The following GPC5 variants were observed in gnomAD, a reference collection of about 807,000 sequenced individuals.
GPC5 encodes glypican 5.
GPC5 carries 47 observed loss-of-function variants against 53.9 expected under a neutral mutation model. The ratio of observed to expected loss-of-function variants is 0.87; its 90% confidence interval spans 0.69 to 1.11. The LOEUF (loss-of-function observed/expected upper bound fraction) is 1.11. Ranked by LOEUF, GPC5 falls within the 50% of genes most tolerant of loss-of-function variation. GPC5 has a pLI of 0.00. For synonymous variants in GPC5, 286 were observed against 263.3 expected, an observed-to-expected ratio of 1.09 and a Z score of -0.84; for missense variants, 748 against 713.1, an observed-to-expected ratio of 1.05 and a Z score of -0.56.
At chr13:91,842,560 G>C (rs923571815) in intron 5 of GPC5, among the ~76,000 whole-genome samples, 2 of 150,060 alleles carry the variant, frequency 1.3e-5, no homozygotes, top group African/African-American at 4.9e-5. Flanking sequence ...AAATTAGCCG[G>C]GCGTGTTGGC....
intron 6 of GPC5, among the ~76,000 whole-genome samples, chr13:91,945,890 A>G (rs2039970123): frequency 6.6e-6 from 1 of 152,108 alleles, no homozygotes; most frequent in Non-Finnish European, 1.5e-5. Flanking sequence ...AGAAGTTATT[A>G]TTTTGTAGTT....
intron 7 of GPC5, among the ~76,000 whole-genome samples, chr13:92,616,509 T>A (rs959401330): frequency 2.0e-5 from 3 of 152,184 alleles, no homozygotes; most frequent in African/African-American, 7.2e-5. Context: ...TACAAAATAC[T>A]TCTGGTATCC....
intron 6 of GPC5, among the ~76,000 whole-genome samples, chr13:91,951,367 T>C (rs951722683): frequency 8.5e-5 from 13 of 152,154 alleles, no homozygotes; most frequent in African/African-American, 3.1e-4. Context: ...ATATATGTAT[T>C]ATGTATATAC....
At chr13:92,665,012 C>CAA (rs35215868) in intron 7 of GPC5, among the ~76,000 whole-genome samples, 3 of 151,512 alleles carry the variant, frequency 2.0e-5, no homozygotes, top group African/African-American at 7.3e-5. Flanking sequence ...TATTGTGTTA[C>CAA]AAAAAAAACA....
At chr13:92,143,027 T>G (rs759171754) in intron 6 of GPC5, among the ~76,000 whole-genome samples, 38 of 152,312 alleles carry the variant, frequency 2.5e-4, no homozygotes, top group Non-Finnish European at 4.9e-4. Context: ...AATGTATTAA[T>G]GTTTAATGTG....
intron 6 of GPC5, among the ~76,000 whole-genome samples, chr13:91,949,937 T>C (rs553440003): frequency 2.6e-4 from 40 of 152,162 alleles, no homozygotes; most frequent in African/African-American, 9.2e-4. Context: ...GCTTCACCCT[T>C]TGGAGAATTT....
intron 7 of GPC5, among the ~76,000 whole-genome samples, chr13:92,296,961 C>A (rs558390145): frequency 6.6e-6 from 1 of 152,290 alleles, no homozygotes; most frequent in East Asian, 1.9e-4. Flanking sequence ...CCTCCATGGG[C>A]TCCTGTGTGG....
At position 92,127,287 on chromosome 13, in the gene GPC5, A is replaced by G. The variant is rs572465942; in HGVS notation, c.1402-17543A>G. On this transcript the variant is annotated intron_variant, in intron 6 of 7. Coordinates refer to ENST00000377067, the MANE Select transcript of GPC5 (RefSeq NM_004466.6). ...CTCATATATATATGTGTATATATAT[A>G]TGTGTGTATATATGTATATATGTGT... Among the ~76,000 whole-genome samples the G allele has an allele frequency of 7.8e-3, 1,190 of 151,916 alleles. 7 individuals carry two copies. The highest frequency in any genetic ancestry group is 0.011 in the Non-Finnish European group (762 of 67,956).
chr13:91,448,982 T>C, intron 2 of GPC5, 60 bp downstream of exon 2: 7 of 1,533,676 alleles, frequency 4.6e-6, no homozygotes, highest in Non-Finnish European at 6.2e-6. Flanking sequence ...TTGCCTAAGA[T>C]AGTTACGTTG....
intron 2 of GPC5, among the ~76,000 whole-genome samples, chr13:91,692,730 G>A (rs7326771): frequency 0.041 from 6,227 of 152,154 alleles, 259 homozygotes; most frequent in African/African-American, 0.097. Flanking sequence ...TGCAACCTCC[G>A]CCTCCCAGGT....
chr13:92,709,967 A>C (rs1261515693), intron 7 of GPC5, among the ~76,000 whole-genome samples: 1 of 152,194 alleles, frequency 6.6e-6, no homozygotes, highest in African/African-American at 2.4e-5. Context: ...GAATTTGTTC[A>C]AAATGGATAT....
intron 7 of GPC5, among the ~76,000 whole-genome samples, chr13:92,655,587 G>A (rs973237260): frequency 2.6e-5 from 4 of 152,090 alleles, no homozygotes; most frequent in South Asian, 2.1e-4. Flanking sequence ...CACCCTCCCC[G>A]CCCTTGGCCT....
At chr13:92,845,330 T>C (rs775113458) in intron 7 of GPC5, among the ~76,000 whole-genome samples, 7 of 152,242 alleles carry the variant, frequency 4.6e-5, no homozygotes, top group Non-Finnish European at 8.8e-5. Context: ...TCACTCATGG[T>C]CAGCTGCAGA....
intron 2 of GPC5, among the ~76,000 whole-genome samples, chr13:91,618,975 CACT>C (rs2033777529): frequency 6.6e-6 from 1 of 151,984 alleles, no homozygotes; most frequent in Non-Finnish European, 1.5e-5. Flanking sequence ...ACTACTATAG[CACT>C]ACTATTACTA....
intron 2 of GPC5, among the ~76,000 whole-genome samples, chr13:91,504,553 A>G (rs1884836020): frequency 6.6e-6 from 1 of 152,190 alleles, no homozygotes; most frequent in African/African-American, 2.4e-5. Context: ...TACTTCGAAA[A>G]TAAAAGCAAA....
intron 2 of GPC5, among the ~76,000 whole-genome samples, chr13:91,604,484 G>A (rs1342160137): frequency 6.7e-6 from 1 of 149,962 alleles, no homozygotes; most frequent in Non-Finnish European, 1.5e-5. Context: ...GGGATGGCTG[G>A]GTCAAATGGT....
chr13:92,122,369 T>A (rs1594771957), intron 6 of GPC5, among the ~76,000 whole-genome samples: 2 of 151,964 alleles, frequency 1.3e-5, no homozygotes, highest in Middle Eastern at 3.4e-3. Flanking sequence ...GTCCGAAACT[T>A]CTGAAGAGAT....
chr13:91,640,978 G>A (rs1325039199), intron 2 of GPC5, among the ~76,000 whole-genome samples: 1 of 152,082 alleles, frequency 6.6e-6, no homozygotes, highest in Middle Eastern at 3.2e-3. Flanking sequence ...TCCTTTGCAG[G>A]GACATGGATA....
chr13:91,399,776 T>TC (rs1876789364), intron 1 of GPC5, among the ~76,000 whole-genome samples: 1 of 152,118 alleles, frequency 6.6e-6, no homozygotes, highest in African/African-American at 2.4e-5. Flanking sequence ...TGCCCTCGTA[T>TC]CAAGCCCTGC....
Sources: allele counts gnomAD v4.1 joint callset (sites outside exome capture counted in the v4.1 genomes callset), GRCh38; gene constraint gnomAD v4.1.1; transcripts MANE v1.5; gene names NCBI Gene and HGNC (gene_info 2026-07-23, HGNC 2026-07-21).